Variants in SBF1 observed in about 807,000 individuals in gnomAD.
The protein encoded by SBF1 is myotubularin-related protein 5.
Under a neutral mutation model 215.8 loss-of-function variants are expected in SBF1, and 65 were observed. The observed-to-expected ratio is 0.30, with a 90% CI of 0.25 to 0.37. The LOEUF is 0.37. Ranked by LOEUF, SBF1 falls within the 10% of genes least tolerant of loss-of-function variation. SBF1 has a pLI of 1.00. For synonymous variants in SBF1, 1,410 were observed against 1,122.8 expected, an observed-to-expected ratio of 1.26 and a Z score of -5.11; for missense variants, 2,634 against 2,667.8, an observed-to-expected ratio of 0.99 and a Z score of 0.28.
In SBF1 at chr22:50,461,510, T is replaced by G. The variant is rs2067511650; in HGVS notation, c.2839+13A>C. 1.3e-6 allele frequency: 2 copies of G among 1,583,466 alleles called. No homozygotes were observed. The highest frequency in any genetic ancestry group is 1.7e-6 in the Non-Finnish European group (2 of 1,160,994). ...GAGAGGGGGCGACAGGGCCAGAGAG[T>G]CTGCAGGCTCACCCAGGGGGTCCGT... On this transcript the variant is annotated intron_variant, in intron 22 of 40. Coordinates refer to ENST00000380817, the MANE Select transcript of SBF1 (RefSeq NM_002972.4).
chr22:50,465,669 TG>T (rs1405723593), intron 10 of SBF1, 93 bp downstream of exon 10: 17 of 1,214,740 alleles, frequency 1.4e-5, no homozygotes, highest in African/African-American at 3.1e-5. Flanking sequence ...GGGGCCAGCC[TG>T]GGGGTGGGGC....
intron 36 of SBF1, among the ~76,000 whole-genome samples, chr22:50,451,225 TG>T (rs1569509140): frequency 6.7e-6 from 1 of 150,156 alleles, no homozygotes; most frequent in Non-Finnish European, 1.5e-5. Flanking sequence ...CCAGTAGTCT[TG>T]GCAACTCAAG....
chr22:50,465,225 C>A lies in SBF1; in HGVS notation c.1193G>T (p.Arg398Leu). The A allele has an allele frequency of 6.2e-7, 1 of 1,612,520 alleles. No individual in the cohort carries two copies. The highest frequency in any genetic ancestry group is 8.5e-7 in the Non-Finnish European group (1 of 1,179,426). ...VVRIHPEPVI[R>L]FHKAAFLGQR... ...CACCAGGCACCCCACCTTATGGAAG[C>A]GGATGACAGGCTCCGGGTGGATGCG... is the stretch of plus-strand genomic sequence containing the variant. Residue 398 changes from arginine to leucine, a missense_variant, in exon 11 of 41, where the codon CGC (arginine) becomes CTC (leucine). Arg to Leu is a moderately radical substitution (Grantham distance 102). Coordinates refer to ENST00000380817, the MANE Select transcript of SBF1 (RefSeq NM_002972.4).
In SBF1 at chr22:50,467,846, G is replaced by C. The variant is rs750211528; in HGVS notation, c.219C>G (p.Ile73Met). 1.9e-6 allele frequency: 3 copies of C among 1,614,036 alleles called. No homozygotes were observed. The highest frequency in any genetic ancestry group is 1.7e-6 in the Non-Finnish European group (2 of 1,179,978). The change falls in exon 3 of 41, where the codon ATC becomes ATG. Residue 73 changes from isoleucine (I) to methionine (M), a missense_variant. Transcript: ENST00000380817. ...AGGCGCAGTAGTGGCGCTCGGAGTT[G>C]ATGTCGGTGAGGACAGCAACAAAGA... ...PTFFVAVLTD[I>M]NSERHYCACL...
At chr22:50,467,497 T>TC (rs756262761) in intron 4 of SBF1, 35 bp downstream of exon 4, 1 of 1,613,652 alleles carries the variant, frequency 6.2e-7, no homozygotes, top group Non-Finnish European at 8.5e-7. Context: ...GGAAGCACCC[T>TC]CGTCGTGCCT....
chr22:50,446,361 C>CGT lies in SBF1; in HGVS notation c.*780_*781insAC, dbSNP rs948882133. ...ATTCCCCTGGGAGCCCACTGTCCCC[C>CGT]CCCCCCCCCCGCCTCCGGCCTCCAT... On this transcript the variant is annotated 3_prime_UTR_variant, in exon 41 of 41. Transcript: ENST00000380817. 1 of 101,564 alleles carries CGT rather than the reference C, an allele frequency of 9.8e-6. No homozygotes were observed. The highest frequency in any genetic ancestry group is 4.2e-5 in the African/African-American group (1 of 23,636). 6.3% of individuals were successfully genotyped at this position (101,564 alleles called of 1,614,324 possible).
Position 50,445,719 on chromosome 22 carries a change from A to G in SBF1, c.*1423T>C, listed in dbSNP as rs2066784026. 6.6e-6 allele frequency: 1 copy of G among 152,198 alleles called. No homozygotes were observed. The allele number at this position is 152,198 out of a possible 1,614,324, so 9.4% of individuals were successfully genotyped here. On this transcript the variant is annotated 3_prime_UTR_variant, in exon 41 of 41. Transcript: ENST00000380817. ...GTGGCTCAAGTGAGCCCACCCTCAC[A>G]TCTCGCCCAGGTGTCCCAACACCAC...
At chr22:50,471,942 C>A (rs1470880901) in intron 1 of SBF1, among the ~76,000 whole-genome samples, 1 of 152,254 alleles carries the variant, frequency 6.6e-6, no homozygotes, top group African/African-American at 2.4e-5. Flanking sequence ...CCCCTCCTCC[C>A]AGGCAGATGC....
In SBF1 at chr22:50,459,361, C is replaced by T. The variant is rs376455809; in HGVS notation, c.3720G>A (p.Glu1240=). The stretch of plus-strand genomic sequence containing the variant: ...CCACAGCCTGCAGGTACTTCTCCTG[C>T]TCCAGGCTACTCGAGTCCGCCTGGG... The part of the protein sequence containing the change: ...GQSQADSSSL[E]QEKYLQAVVS... The change falls in exon 28 of 41, where the codon GAG becomes GAA. Residue 1240 remains glutamate (E), a synonymous_variant. Coordinates refer to ENST00000380817, the MANE Select transcript of SBF1 (RefSeq NM_002972.4). 7.4e-6 allele frequency: 12 copies of T among 1,612,594 alleles called. No individual in the cohort carries two copies. The highest frequency in any genetic ancestry group is 1.0e-5 in the Non-Finnish European group (12 of 1,179,468).
rs190494661 is a variant in SBF1, at chr22:50,466,730, G to A, written c.550-20C>T. ...CGTCCTCTGCAGCAAAAAAAGGATC[G>A]GGGCTCAGTAGTTTGGCCAGAGCCA... On this transcript the variant is annotated intron_variant, in intron 5 of 40. Coordinates refer to ENST00000380817, the MANE Select transcript of SBF1 (RefSeq NM_002972.4). The A allele has an allele frequency of 2.8e-4, 416 of 1,492,732 alleles. 3 individuals are homozygous for A. The African/African-American group carries it at 5.0e-3, about 18-fold the overall frequency. 92.5% of individuals were successfully genotyped at this position (1,492,732 alleles called of 1,614,324 possible).
In SBF1 at chr22:50,474,978, G is replaced by A. The variant is rs779853043; in HGVS notation, c.-138C>T. Reference sequence around the variant, plus strand: ...CCTGGTTCGCTCCGCGGCGGCGGCGGCGGCGGCGGCGGCGGCCCAGGTTCC... The same window carrying A: ...CCTGGTTCGCTCCGCGGCGGCGGCGACGGCGGCGGCGGCGGCCCAGGTTCC... On this transcript the variant is annotated 5_prime_UTR_variant, in exon 1 of 41. Transcript: ENST00000380817. 3.6e-4 allele frequency: 128 copies of A among 351,162 alleles called. 2 individuals are homozygous for A. The South Asian group carries it at 9.5e-3, about 26-fold the overall frequency. 21.8% of individuals were successfully genotyped at this position (351,162 alleles called of 1,614,324 possible). A position where few individuals can be genotyped will look rare whatever the true frequency, so the allele number is the denominator to read the frequency against.
At chr22:50,460,868 C>T (rs2067479088) in intron 23 of SBF1, among the ~76,000 whole-genome samples, 156 bp from the exon 24 acceptor site, 1 of 152,234 alleles carries the variant, frequency 6.6e-6, no homozygotes, top group African/African-American at 2.4e-5. Context: ...AAGGCAAGCG[C>T]TTGTGTAAAC....
At position 50,447,222 on chromosome 22, in the gene SBF1, C is replaced by A; in HGVS notation, c.5602G>T (p.Val1868Phe). ...AFFDVKTTRRVYNFCAQDVPS... is the reference protein window; with the variant it reads ...AFFDVKTTRRFYNFCAQDVPS... Reference sequence around the variant, plus strand: ...ACGTCCTGGGCACAGAAGTTGTAAACGCGACGCGTTGTCTTCACCTGGGGA... The same window carrying A: ...ACGTCCTGGGCACAGAAGTTGTAAAAGCGACGCGTTGTCTTCACCTGGGGA... Residue 1868 changes from valine to phenylalanine, a missense_variant, in exon 41 of 41, where the codon GTT becomes TTT. By Grantham distance (50) the Val-to-Phe change is conservative (BLOSUM62 -1). Coordinates refer to ENST00000380817, the MANE Select transcript of SBF1 (RefSeq NM_002972.4). 6.2e-7 allele frequency: 1 copy of A among 1,613,968 alleles called. No homozygotes were observed. Among genetic ancestry groups the A allele is most frequent in the Non-Finnish European group, 8.5e-7 (1 of 1,179,998 alleles).
In SBF1 at chr22:50,448,601, T is replaced by C; in HGVS notation, c.5093A>G (p.Lys1698Arg). ...AGCCTTCACCCGGTCCCAGGTGTCC[T>C]TCCAGCGCTCAGCGGGTTGGCCCAA... ...TELGQPAERW[K>R]DTWDRVKAAQ... The change falls in exon 37 of 41, where the codon AAG (lysine) becomes AGG (arginine). Residue 1698 changes from lysine to arginine, a missense_variant. Physicochemically the swap from Lys to Arg is conservative, Grantham distance 26 (BLOSUM62 2). Transcript: ENST00000380817. 1 of 1,612,102 alleles carries C rather than the reference T, an allele frequency of 6.2e-7. No individual in the cohort carries two copies. Among genetic ancestry groups the C allele is most frequent in the Non-Finnish European group, 8.5e-7 (1 of 1,180,024 alleles).
intron 1 of SBF1, among the ~76,000 whole-genome samples, chr22:50,471,222 G>A (rs1479169486): frequency 2.0e-5 from 3 of 152,344 alleles, no homozygotes; most frequent in African/African-American, 4.8e-5. Context: ...GGCTGAGGGG[G>A]CCACCTAAGG....
At chr22:50,454,423 G>A (rs1173196377) in intron 36 of SBF1, 89 bp downstream of exon 36, 3 of 1,156,746 alleles carry the variant, frequency 2.6e-6, no homozygotes, top group South Asian at 1.3e-5. Flanking sequence ...TTACGTGCAT[G>A]TACGAGTGTA....
rs779182941 is a variant in SBF1 at position 50,468,421 on chromosome 22, T to C, written c.96A>G (p.Pro32=). The C allele has an allele frequency of 1.1e-5, 18 of 1,612,294 alleles. No individual in the cohort carries two copies. The highest frequency in any genetic ancestry group is 2.7e-5 in the African/African-American group (2 of 74,806). Residue 32 remains proline, a synonymous_variant, in exon 2 of 41, where the codon CCA becomes CCG. Transcript: ENST00000380817. ...EGQGQILQRF[P]EKDWEDNPFP... ...ATGGGTTGTCCTCCCAGTCCTTCTC[T>C]GGGAAGCGCTGCAGAATCTGGCCCT...
rs1556429402 is a variant in SBF1 at position 50,464,334 on chromosome 22, T to C, written c.1744A>G (p.Lys582Glu). ...GGAGCCTGCACAGCCCTCACCTTCT[T>C]GGCCTCAAGCATTTTCCCCTCAAAC... The part of the protein sequence containing the change: ...YVFEGKMLEA[K>E]KLLPAVLRAL... Residue 582 changes from lysine (K) to glutamate (E), a missense_variant, in exon 15 of 41, where the codon AAG becomes GAG. Coordinates refer to ENST00000380817, the MANE Select transcript of SBF1 (RefSeq NM_002972.4). 6.2e-7 allele frequency: 1 copy of C among 1,613,328 alleles called. No homozygotes were observed. The highest frequency in any genetic ancestry group is 8.5e-7 in the Non-Finnish European group (1 of 1,179,514).
At chr22:50,452,364 G>A (rs1229783489) in intron 36 of SBF1, among the ~76,000 whole-genome samples, 1 of 152,080 alleles carries the variant, frequency 6.6e-6, no homozygotes, top group Non-Finnish European at 1.5e-5. Context: ...TGTTATAAAT[G>A]GCAAAAATAG....
Sources: gnomAD v4.1 joint callset for allele counts (sites outside exome capture counted in the v4.1 genomes callset) on GRCh38, gnomAD v4.1.1 for gene constraint, MANE v1.5 for transcripts, NCBI Gene and HGNC (gene_info 2026-07-23, HGNC 2026-07-21) for gene names.